COL5A1: variants seen among roughly 807,000 people sequenced by gnomAD.
COL5A1 encodes the protein collagen alpha-1(V) chain.
A neutral mutation model predicts 263.7 loss-of-function variants in COL5A1; 16 were observed. The ratio of observed to expected loss-of-function variants is 0.06; its 90% CI spans 0.04 to 0.09. COL5A1 has a LOEUF of 0.09. Among genes scored for constraint, COL5A1 ranks in the 10% least tolerant of loss-of-function variants. The pLI is 1.00. For synonymous variants in COL5A1, 1,012 were observed against 1,004.5 expected, an observed-to-expected ratio of 1.01 and a Z score of -0.14; for missense variants, 2,036 against 2,540.5, an observed-to-expected ratio of 0.80 and a Z score of 4.27.
At chr9:134,643,967 C>T (rs1265157689) in intron 1 of COL5A1, among the ~76,000 whole-genome samples, 2 of 152,150 alleles carry the variant, frequency 1.3e-5, no homozygotes, top group East Asian at 3.9e-4. Context: ...TCTGGTTGCC[C>T]TCGCTAATCG....
chr9:134,672,324 C>T (rs767655385), intron 1 of COL5A1, among the ~76,000 whole-genome samples: 1 of 152,014 alleles, frequency 6.6e-6, no homozygotes, highest in Non-Finnish European at 1.5e-5. Context: ...TTGTTTAAAC[C>T]ATTATGATGG....
chr9:134,715,417 T>C (rs1003125762), intron 4 of COL5A1, among the ~76,000 whole-genome samples: 8 of 152,236 alleles, frequency 5.3e-5, no homozygotes, highest in South Asian at 2.1e-4. Flanking sequence ...CTTCCTCTTA[T>C]CTCAACTGCA....
At chr9:134,760,607 A>G (rs2132712662) in intron 18 of COL5A1, among the ~76,000 whole-genome samples, 1 of 111,948 alleles carries the variant, frequency 8.9e-6, no homozygotes, top group South Asian at 3.3e-4. Context: ...CACACCACAC[A>G]TGCACACACA....
In COL5A1 at chr9:134,768,417, T is replaced by C; in HGVS notation, c.2240T>C (p.Leu747Ser). Reference protein sequence around the residue: ...AIGPPGEKGPLGKPGLPGMPG... With the variant: ...AIGPPGEKGPSGKPGLPGMPG... ...GTCTCTGGTTTGTTCTAGGGTCCCT[T>C]GGGGAAACCAGGCCTTCCAGGAATG... is the stretch of plus-strand genomic sequence containing the variant. The change falls in exon 25 of 66, where the codon TTG (leucine) becomes TCG (serine). Residue 747 changes from leucine (L) to serine (S), a missense_variant. By Grantham distance (145) the Leu-to-Ser change is moderately radical. Coordinates refer to ENST00000371817, the MANE Select transcript of COL5A1 (RefSeq NM_000093.5). 6.2e-7 allele frequency: 1 copy of C among 1,614,038 alleles called. No homozygotes were observed. Among genetic ancestry groups the C allele is most frequent in the Non-Finnish European group, 8.5e-7 (1 of 1,179,978 alleles).
chr9:134,788,429 T>C (rs972152351), intron 31 of COL5A1, among the ~76,000 whole-genome samples: 1 of 142,286 alleles, frequency 7.0e-6, no homozygotes, highest in African/African-American at 2.7e-5. Context: ...AATGGATGAA[T>C]GGTTAGGTGG....
In COL5A1 at chr9:134,682,257, A is replaced by G. The variant is rs1832883332; in HGVS notation, c.110-8655A>G. ...CTATTCGGCTGGGTGCCAGGGACCC[A>G]GCCTAGTGCCTCGCCTTCCCCCAGC... On this transcript the variant is annotated intron_variant, in intron 1 of 65. Coordinates refer to ENST00000371817, the MANE Select transcript of COL5A1 (RefSeq NM_000093.5). The surrounding 1 kb of genome is among the most constrained non-coding windows in gnomAD (Gnocchi z 5.1). 6.6e-6 allele frequency among the ~76,000 whole-genome samples: 1 copy of G among 152,170 alleles called. No homozygotes were observed. Among genetic ancestry groups the G allele is most frequent in the Admixed American group, 6.5e-5 (1 of 15,284 alleles).
rs1554787555 is a variant in COL5A1, at chr9:134,727,334, C to T, written c.723C>T (p.Ser241=). The change falls in exon 5 of 66, where the codon AGC becomes AGT. Residue 241 remains serine, a synonymous_variant. Transcript: ENST00000371817. ...CTTATGATTACTGTGAGCACTACAG[C>T]CCTGACTGTGACACCGCAGTACCTG... ...RAAYDYCEHY[S]PDCDTAVPDT... is the part of the protein sequence containing the mutation. The T allele has an allele frequency of 6.2e-7, 1 of 1,613,770 alleles. No homozygotes were observed. Among genetic ancestry groups the T allele is most frequent in the Non-Finnish European group, 8.5e-7 (1 of 1,179,800 alleles).
At chr9:134,759,781 ACACACATG>A (rs1836217268) in intron 18 of COL5A1, among the ~76,000 whole-genome samples, 1 of 106,172 alleles carries the variant, frequency 9.4e-6, no homozygotes, top group Non-Finnish European at 1.9e-5. Context: ...CCACACTCAT[ACACACATG>A]CACACACACC....
At chr9:134,803,081 T>C (rs1409371567) in intron 39 of COL5A1, 86 bp downstream of exon 39, 2 of 1,061,426 alleles carry the variant, frequency 1.9e-6, no homozygotes, top group Non-Finnish European at 2.9e-6. Flanking sequence ...CCTTTTCTGA[T>C]GAATGGGTAA....
At chr9:134,753,984 C>T in intron 15 of COL5A1, 81 bp downstream of exon 15, 3 of 1,213,664 alleles carry the variant, frequency 2.5e-6, no homozygotes, top group Non-Finnish European at 3.7e-6. Flanking sequence ...GGAGGGACCC[C>T]AACTGCTGCA....
At chr9:134,736,162 T>C (rs1323721952) in intron 9 of COL5A1, among the ~76,000 whole-genome samples, 1 of 152,044 alleles carries the variant, frequency 6.6e-6, no homozygotes, top group Non-Finnish European at 1.5e-5. Context: ...GCCTGTGGCC[T>C]GTGGCCTGGC....
chr9:134,762,973 C>T (rs991389084), intron 19 of COL5A1, among the ~76,000 whole-genome samples: 5 of 151,898 alleles, frequency 3.3e-5, no homozygotes, highest in East Asian at 1.9e-4. Context: ...TGGCTGTGTG[C>T]GTGTGTATGT....
chr9:134,779,286 G>C lies in COL5A1; in HGVS notation c.2386-816G>C, dbSNP rs138295450. ...AGACATTAACAGCAAGGGTGTGGCT[G>C]CGTAATTCCACCCCACAGATTTACC... is the stretch of plus-strand genomic sequence containing the variant. On this transcript the variant is annotated intron_variant, in intron 27 of 65. Transcript: ENST00000371817. Among the ~76,000 whole-genome samples the C allele has an allele frequency of 3.7e-4, 57 of 152,326 alleles. No homozygotes were observed. The East Asian group carries it at 9.1e-3, about 24-fold the overall frequency.
At chr9:134,665,299 T>A (rs1832323401) in intron 1 of COL5A1, among the ~76,000 whole-genome samples, 1 of 152,240 alleles carries the variant, frequency 6.6e-6, no homozygotes, top group Non-Finnish European at 1.5e-5. Flanking sequence ...GGAGAACCGC[T>A]GTGCAGCACT....
chr9:134,720,814 C>T (rs1282337487), intron 4 of COL5A1, among the ~76,000 whole-genome samples: 4 of 152,116 alleles, frequency 2.6e-5, no homozygotes, highest in South Asian at 2.1e-4. Context: ...AGAGAGGAGC[C>T]GACTCTGAGT....
chr9:134,820,551 C>T (rs1432794929), intron 58 of COL5A1, among the ~76,000 whole-genome samples: 3 of 152,230 alleles, frequency 2.0e-5, no homozygotes, highest in South Asian at 2.1e-4. Context: ...GCCTGTCACC[C>T]ACCGCTTGCC....
intron 48 of COL5A1, among the ~76,000 whole-genome samples, chr9:134,813,693 TTC>T (rs1838627481): frequency 6.6e-6 from 1 of 152,246 alleles, no homozygotes; most frequent in South Asian, 2.1e-4. Context: ...ACTTACCAGC[TTC>T]TCATAGTTGC....
Position 134,728,781 on chromosome 9 carries a change from G to A in COL5A1, c.898G>A (p.Ala300Thr), listed in dbSNP as rs747533006. The change falls in exon 6 of 66, where the codon GCC (alanine) becomes ACC (threonine). Residue 300 changes from alanine (A) to threonine (T), a missense_variant. By Grantham distance (58) the Ala-to-Thr change is moderately conservative (BLOSUM62 0). Around this residue, in one of 3 missense-constraint regions of COL5A1, gnomAD observed 600 missense variants for 634.5 expected, o/e 0.95. Coordinates refer to ENST00000371817, the MANE Select transcript of COL5A1 (RefSeq NM_000093.5). ...CCCCAGCAAGAAGCCCGTGGAAGCT[G>A]CCAAAGAAACCACAGAGGTCCCCGA... ...PTPSKKPVEA[A>T]KETTEVPEEL... The A allele has an allele frequency of 1.9e-6, 3 of 1,614,202 alleles. No homozygotes were observed. In the African/African-American group the frequency reaches 4.0e-5, roughly 22 times the overall value.
intron 2 of COL5A1, 96 bp downstream of exon 2, chr9:134,691,175 G>C (rs547031754): frequency 2.7e-6 from 4 of 1,505,706 alleles, no homozygotes; most frequent in South Asian, 1.1e-5. Context: ...TGGCAGAAGC[G>C]GGCTCAGCTT....
Sources: allele counts gnomAD v4.1 joint callset (sites outside exome capture counted in the v4.1 genomes callset), GRCh38; gene constraint gnomAD v4.1.1; regional missense constraint gnomAD v4.1.1; non-coding constraint Gnocchi (gnomAD v3.1); transcripts MANE v1.5; gene names NCBI Gene and HGNC (gene_info 2026-07-23, HGNC 2026-07-21).